The following THSD7B variants were observed in gnomAD, a reference collection of about 807,000 sequenced individuals.
The protein encoded by THSD7B is thrombospondin type-1 domain-containing protein 7B.
In THSD7B, 138 loss-of-function variants were observed where a neutral mutation model predicts 213.6. The ratio of observed to expected loss-of-function variants is 0.65; its 90% confidence interval spans 0.56 to 0.74. THSD7B has a LOEUF of 0.74. Among genes scored for constraint, THSD7B ranks in the 30% least tolerant of loss-of-function variants. The pLI, the probability that THSD7B is intolerant of heterozygous loss-of-function variation, is 0.00. For synonymous variants in THSD7B, 742 were observed against 687.0 expected (o/e 1.08, Z -1.25); for missense variants, 1,931 against 1,991.5 (o/e 0.97, Z 0.58).
At chr2:136,837,304 C>G (rs993098276) in intron 1 of THSD7B, among the ~76,000 whole-genome samples, 2 of 152,190 alleles carry the variant, frequency 1.3e-5, no homozygotes, top group Non-Finnish European at 2.9e-5. Flanking sequence ...TTCTACCACT[C>G]TCCTTCTGCA....
chr2:136,865,340 C>T (rs1478305980), intron 1 of THSD7B, among the ~76,000 whole-genome samples: 1 of 152,170 alleles, frequency 6.6e-6, no homozygotes, highest in East Asian at 1.9e-4. Context: ...CTATAATTAC[C>T]AACAGAAGAG....
intron 5 of THSD7B, among the ~76,000 whole-genome samples, chr2:137,125,402 A>C (rs1176081770): frequency 6.6e-6 from 1 of 152,224 alleles, no homozygotes; most frequent in Non-Finnish European, 1.5e-5. Flanking sequence ...CTTCCATCTC[A>C]AGAAACCATC....
chr2:137,130,740 G>A (rs1348333431), intron 5 of THSD7B, among the ~76,000 whole-genome samples: 1 of 146,282 alleles, frequency 6.8e-6, no homozygotes, highest in Non-Finnish European at 1.5e-5. Context: ...AGTATTCCAT[G>A]GTGTATATGT....
intron 20 of THSD7B, among the ~76,000 whole-genome samples, chr2:137,632,738 C>T (rs1391929841): frequency 6.6e-6 from 1 of 152,196 alleles, no homozygotes; most frequent in Admixed American, 6.6e-5. Context: ...AGTGCTTAAT[C>T]TTCTGCCATA....
intron 7 of THSD7B, among the ~76,000 whole-genome samples, chr2:137,207,545 T>C (rs1681012360): frequency 6.6e-6 from 1 of 152,074 alleles, no homozygotes; most frequent in African/African-American, 2.4e-5. Flanking sequence ...AAGAAGACCC[T>C]ATCGATAAAT....
chr2:137,535,976 T>C (rs897703682), intron 15 of THSD7B, among the ~76,000 whole-genome samples: 2 of 150,824 alleles, frequency 1.3e-5, no homozygotes, highest in Non-Finnish European at 3.0e-5. Context: ...TGAAGATAAT[T>C]TCAGATAAAT....
rs138698684 is a variant in THSD7B, at chr2:137,096,944, G to C, written c.1199+1823G>C. On this transcript the variant is annotated intron_variant, in intron 4 of 27. Coordinates refer to ENST00000409968, the MANE Select transcript of THSD7B (RefSeq NM_001316349.2). ...ATGACCACTATTGTTGCTATTTGCA[G>C]GTGTATTTGTTTCCTCCAGAAAGAG... Among the ~76,000 whole-genome samples, 433 of 152,300 alleles carry C rather than the reference G, an allele frequency of 2.8e-3. 1 individual carries two copies. The highest frequency in any genetic ancestry group is 9.8e-3 in the African/African-American group (408 of 41,574).
chr2:137,635,492 T>C (rs1224798356), intron 20 of THSD7B, among the ~76,000 whole-genome samples: 2 of 152,112 alleles, frequency 1.3e-5, no homozygotes, highest in Non-Finnish European at 2.9e-5. Context: ...TGTTAAGGGA[T>C]TTGATAGGTT....
intron 3 of THSD7B, among the ~76,000 whole-genome samples, chr2:137,083,398 T>C (rs1008314188): frequency 6.6e-6 from 1 of 152,140 alleles, no homozygotes; most frequent in African/African-American, 2.4e-5. Context: ...GCCTTCTCCG[T>C]CATATTTTTA....
intron 5 of THSD7B, among the ~76,000 whole-genome samples, chr2:137,140,357 A>G (rs1171658552): frequency 2.0e-5 from 3 of 152,184 alleles, no homozygotes; most frequent in African/African-American, 7.2e-5. Flanking sequence ...CAAACGAAGT[A>G]TACAGCATCC....
chr2:137,351,621 C>T (rs142860201), intron 12 of THSD7B, among the ~76,000 whole-genome samples: 92 of 151,884 alleles, frequency 6.1e-4, no homozygotes, highest in African/African-American at 2.0e-3. Flanking sequence ...TAGAACAGTA[C>T]GAGCAAATTT....
At chr2:137,162,327 C>T (rs1680034902) in intron 6 of THSD7B, among the ~76,000 whole-genome samples, 1 of 152,096 alleles carries the variant, frequency 6.6e-6, no homozygotes, top group African/African-American at 2.4e-5. Flanking sequence ...TCCATTGGTC[C>T]CCGGAAGAGT....
chr2:137,672,223 CATA>C (rs781640235), intron 27 of THSD7B, among the ~76,000 whole-genome samples: 9 of 151,532 alleles, frequency 5.9e-5, no homozygotes, highest in Non-Finnish European at 1.0e-4. Context: ...CTTATTCAAT[CATA>C]ATAATTCAAG....
chr2:137,348,712 T>TG (rs983014692), intron 12 of THSD7B, among the ~76,000 whole-genome samples: 2 of 149,914 alleles, frequency 1.3e-5, no homozygotes, highest in African/African-American at 4.9e-5. Context: ...CCTTTTTTTT[T>TG]TTTTTTTTTT....
chr2:137,504,004 C>T (rs139910398), intron 15 of THSD7B, among the ~76,000 whole-genome samples: 10,770 of 140,914 alleles, frequency 0.076, 434 homozygotes, highest in African/African-American at 0.095. Context: ...TCCAGCCTGG[C>T]GACAGAGTGA....
chr2:137,281,152 G>A (rs914304359), intron 12 of THSD7B, among the ~76,000 whole-genome samples: 13 of 152,034 alleles, frequency 8.6e-5, no homozygotes, highest in South Asian at 4.1e-4. Context: ...GACCAAAAGA[G>A]GCAGATCTCT....
At chr2:137,441,497 T>C (rs899059214) in intron 14 of THSD7B, among the ~76,000 whole-genome samples, 5 of 152,168 alleles carry the variant, frequency 3.3e-5, no homozygotes, top group Non-Finnish European at 7.3e-5. Context: ...AAAATTCTGC[T>C]ACACTGTGAA....
At chr2:137,500,940 G>GTT (rs200315288) in intron 15 of THSD7B, among the ~76,000 whole-genome samples, 32 of 151,386 alleles carry the variant, frequency 2.1e-4, no homozygotes, top group Non-Finnish European at 4.0e-4. Flanking sequence ...ATGTTTCATG[G>GTT]TTTTTTTTTA....
chr2:137,298,150 G>T (rs1268067045), intron 12 of THSD7B, among the ~76,000 whole-genome samples: 1 of 152,094 alleles, frequency 6.6e-6, no homozygotes, highest in East Asian at 1.9e-4. Context: ...AGGCTGAGGT[G>T]GTCTCAGATG....
Sources: gnomAD v4.1 joint callset for allele counts (sites outside exome capture counted in the v4.1 genomes callset) on GRCh38, gnomAD v4.1.1 for gene constraint, MANE v1.5 for transcripts, NCBI Gene and HGNC (gene_info 2026-07-23, HGNC 2026-07-21) for gene names.